Variants in CACNA2D4 observed in about 807,000 individuals in gnomAD.
CACNA2D4 encodes the protein voltage-dependent calcium channel subunit alpha-2/delta-4.
A neutral mutation model predicts 163.8 loss-of-function variants in CACNA2D4; 157 were observed. The observed-to-expected ratio is 0.96, with a 90% confidence interval of 0.84 to 1.09. The LOEUF (loss-of-function observed/expected upper bound fraction) is 1.09. Among genes scored for constraint, CACNA2D4 ranks in the 50% least tolerant of loss-of-function variants. The pLI, the probability that CACNA2D4 is intolerant of heterozygous loss-of-function variation, is 0.00. For missense variants in CACNA2D4, 1,410 were observed against 1,479.9 expected (o/e 0.95, Z 0.78); for synonymous variants, 598 against 586.9 (o/e 1.02, Z -0.27).
intron 3 of CACNA2D4, among the ~76,000 whole-genome samples, chr12:1,911,021 ATTTTT>A (rs374264665): frequency 1.5e-5 from 2 of 133,460 alleles, no homozygotes; most frequent in East Asian, 2.1e-4. Flanking sequence ...CCGCAATACA[ATTTTT>A]TTTTTTTTTT....
intron 35 of CACNA2D4, 160 bp from the exon 36 acceptor site, chr12:1,795,940 A>C (rs1016819123): frequency 9.5e-6 from 6 of 629,296 alleles, no homozygotes; most frequent in African/African-American, 1.8e-5. Flanking sequence ...CGGGCCTGGC[A>C]GATGGCTCAG....
rs1321866447 is a variant in CACNA2D4, at chr12:1,917,499, C to T, written c.227+748G>A. Among the ~76,000 whole-genome samples the T allele has an allele frequency of 1.3e-5, 2 of 152,140 alleles. No individual in the cohort carries two copies. The highest frequency in any genetic ancestry group is 1.9e-4 in the East Asian group (1 of 5,184). On this transcript the variant is annotated intron_variant, in intron 1 of 37. Transcript: ENST00000382722. This position sits in a 1 kb window ranked among gnomAD's most constrained non-coding sequence, Gnocchi z 4.3. The stretch of plus-strand genomic sequence containing the variant: ...GGAGTAAACAGGATGGGGTCTGTAG[C>T]ACCTACAGTCTAGAAGGCTCTGCTA...
chr12:1,795,294 C>T lies in CACNA2D4; in HGVS notation c.3309+5G>A, dbSNP rs1319751569. 1.9e-6 allele frequency: 3 copies of T among 1,612,996 alleles called. No homozygotes were observed. The highest frequency in any genetic ancestry group is 1.7e-5 in the Admixed American group (1 of 59,988). ...AGCCCACCCTCGATCCGCCTCAACC[C>T]GCACCTCTGGATGGAAGGCGTGGCA... On this transcript the variant is annotated splice_donor_5th_base_variant and intron_variant, in intron 37 of 37. Coordinates refer to ENST00000382722, the MANE Select transcript of CACNA2D4 (RefSeq NM_172364.5).
intron 6 of CACNA2D4, among the ~76,000 whole-genome samples, chr12:1,895,633 C>A (rs1047031900): frequency 9.2e-5 from 14 of 152,024 alleles, no homozygotes; most frequent in East Asian, 3.8e-4. Context: ...AAATTAATTA[C>A]TTAATTAATT....
intron 6 of CACNA2D4, among the ~76,000 whole-genome samples, chr12:1,890,149 A>T (rs1324561566): frequency 6.6e-6 from 1 of 151,904 alleles, no homozygotes; most frequent in South Asian, 2.1e-4. Flanking sequence ...GAGCCTCTAG[A>T]CTCTTGTAGG....
At position 1,903,554 on chromosome 12, in the gene CACNA2D4, G is replaced by A. The variant is rs115289832; in HGVS notation, c.781+3886C>T. 7.3e-3 allele frequency among the ~76,000 whole-genome samples: 1,103 copies of A among 151,800 alleles called. 11 individuals are homozygous for A. The highest frequency in any genetic ancestry group is 0.025 in the African/African-American group (1,040 of 41,418). On this transcript the variant is annotated intron_variant, in intron 6 of 37. Transcript: ENST00000382722. The stretch of plus-strand genomic sequence containing the variant: ...AATCAAATAATCGATTTTTAAATGG[G>A]AAAAAATCTGAATGTACGTGTCTCA...
At chr12:1,872,752 A>G (rs1373622996) in intron 18 of CACNA2D4, among the ~76,000 whole-genome samples, 1 of 152,198 alleles carries the variant, frequency 6.6e-6, no homozygotes, top group African/African-American at 2.4e-5. Flanking sequence ...TGCCCTGCAC[A>G]GAGTGGAGGC....
chr12:1,840,068 C>A (rs758165), intron 26 of CACNA2D4, among the ~76,000 whole-genome samples: 136,875 of 152,236 alleles, frequency 0.9, 61,644 homozygotes, highest in East Asian at 1. Flanking sequence ...AATCAGTAGG[C>A]ATCTCAGTAA....
rs531691545 is a variant in CACNA2D4 at position 1,883,324 on chromosome 12, C to T, written c.1352-324G>A. On this transcript the variant is annotated intron_variant, in intron 12 of 37. Transcript: ENST00000382722. This position sits in a 1 kb window ranked among gnomAD's most constrained non-coding sequence, Gnocchi z 4.5. Reference sequence around the variant, plus strand: ...CTCTCCCAGCCTCGCCCTCCCACTTCCTCACAGGAACATCTCATGAGAGTG... The same window carrying T: ...CTCTCCCAGCCTCGCCCTCCCACTTTCTCACAGGAACATCTCATGAGAGTG... Among the ~76,000 whole-genome samples, 2 of 152,308 alleles carry T rather than the reference C, an allele frequency of 1.3e-5. No individual in the cohort carries two copies. Among genetic ancestry groups the T allele is most frequent in the South Asian group, 4.1e-4 (2 of 4,824 alleles).
At chr12:1,811,527 T>C in intron 27 of CACNA2D4, 135 bp downstream of exon 27, 1 of 883,960 alleles carries the variant, frequency 1.1e-6, no homozygotes. Flanking sequence ...GCTGAGGGGC[T>C]GAGAAGTGTA....
At chr12:1,841,062 T>C (rs1443077825) in intron 25 of CACNA2D4, among the ~76,000 whole-genome samples, 4 of 152,244 alleles carry the variant, frequency 2.6e-5, no homozygotes, top group African/African-American at 9.6e-5. Context: ...AGGGCTGCAG[T>C]GGCCCCACGA....
rs187732318 is a variant in CACNA2D4 at position 1,828,964 on chromosome 12, G to A, written c.2551+11775C>T. ...ACGGTGGCAGGGAGGAAACGGTCCCGCGGGACGGCATTCCGCCTGACTTCC... is the reference window on the plus strand; with the variant it reads ...ACGGTGGCAGGGAGGAAACGGTCCCACGGGACGGCATTCCGCCTGACTTCC... On this transcript the variant is annotated intron_variant, in intron 26 of 37. Coordinates refer to ENST00000382722, the MANE Select transcript of CACNA2D4 (RefSeq NM_172364.5). This position sits in a 1 kb window ranked among gnomAD's most constrained non-coding sequence, Gnocchi z 4.2. 1.1e-3 allele frequency among the ~76,000 whole-genome samples: 164 copies of A among 152,302 alleles called. No homozygotes were observed. The highest frequency in any genetic ancestry group is 3.6e-3 in the African/African-American group (151 of 41,566).
At position 1,887,351 on chromosome 12, in the gene CACNA2D4, A is replaced by G. The variant is rs551305837; in HGVS notation, c.782-282T>C. On this transcript the variant is annotated intron_variant, in intron 6 of 37. Transcript: ENST00000382722. Reference sequence around the variant, plus strand: ...TTTGTGAGGCAAAACCTCATATCAAATAGTGGAGGGGGAAGCTTTGGAGAA... The same window carrying G: ...TTTGTGAGGCAAAACCTCATATCAAGTAGTGGAGGGGGAAGCTTTGGAGAA... Among the ~76,000 whole-genome samples the G allele has an allele frequency of 5.3e-5, 8 of 152,372 alleles. No individual in the cohort carries two copies. The East Asian group carries it at 1.5e-3, about 29-fold the overall frequency.
chr12:1,848,237 A>G (rs1865195232), intron 23 of CACNA2D4, among the ~76,000 whole-genome samples: 1 of 151,286 alleles, frequency 6.6e-6, no homozygotes, highest in South Asian at 2.1e-4. Context: ...TTCTCTCTCC[A>G]CTCTCCCTCT....
intron 30 of CACNA2D4, 91 bp downstream of exon 30, chr12:1,801,483 G>C: frequency 9.0e-7 from 1 of 1,105,758 alleles, no homozygotes; most frequent in East Asian, 2.6e-5. Context: ...GGGTTTTGGA[G>C]GTCAGGATCC....
rs374122500 is a variant in CACNA2D4 at position 1,913,453 on chromosome 12, C to T, written c.310-314G>A. On this transcript the variant is annotated intron_variant, in intron 2 of 37. Coordinates refer to ENST00000382722, the MANE Select transcript of CACNA2D4 (RefSeq NM_172364.5). Reference sequence around the variant, plus strand: ...GGTCAACAGCCAGGTGAGCAGGTGACCCCTGATGGGGCCAGGTCTCTCAGG... The same window carrying T: ...GGTCAACAGCCAGGTGAGCAGGTGATCCCTGATGGGGCCAGGTCTCTCAGG... Among the ~76,000 whole-genome samples the T allele has an allele frequency of 2.3e-3, 356 of 152,324 alleles. 18 individuals carry two copies. The South Asian group carries it at 0.069, about 30-fold the overall frequency.
At chr12:1,809,694 G>T (rs922034776) in intron 29 of CACNA2D4, 1 of 626,966 alleles carries the variant, frequency 1.6e-6, no homozygotes, top group South Asian at 1.9e-5. Flanking sequence ...CAGCGGGGGC[G>T]GGGGGAGGAT....
intron 6 of CACNA2D4, among the ~76,000 whole-genome samples, chr12:1,904,891 C>A (rs927496235): frequency 6.6e-6 from 1 of 151,956 alleles, no homozygotes; most frequent in Admixed American, 6.6e-5. Flanking sequence ...GGAAATAAGT[C>A]CCTCAACAGT....
rs764759224 is a variant in CACNA2D4, at chr12:1,798,472, C to A, written c.2996-937G>T. Among the ~76,000 whole-genome samples the A allele has an allele frequency of 6.6e-6, 1 of 152,032 alleles. No individual in the cohort carries two copies. The highest frequency in any genetic ancestry group is 2.4e-5 in the African/African-American group (1 of 41,378). ...GAAACCCAGAGGGGACACTAGCTGG[C>A]GTGCAGAAAACTCTCACCGAGAGGA... On this transcript the variant is annotated intron_variant, in intron 34 of 37. Coordinates refer to ENST00000382722, the MANE Select transcript of CACNA2D4 (RefSeq NM_172364.5). This position sits in a 1 kb window ranked among gnomAD's most constrained non-coding sequence, Gnocchi z 4.3.
Sources: allele counts gnomAD v4.1 joint callset (sites outside exome capture counted in the v4.1 genomes callset), GRCh38; gene constraint gnomAD v4.1.1; non-coding constraint Gnocchi (gnomAD v3.1); transcripts MANE v1.5; gene names NCBI Gene and HGNC (gene_info 2026-07-23, HGNC 2026-07-21).